VIL1: variants seen among roughly 807,000 people sequenced by gnomAD.
The protein encoded by VIL1 is villin-1.
In VIL1, 86 loss-of-function variants were observed where a neutral mutation model predicts 104.0. That is an observed-to-expected ratio of 0.83 (90% confidence interval 0.69 to 0.99). VIL1 has a LOEUF of 0.99. VIL1 is among the 50% of genes least tolerant of loss of function. VIL1 has a pLI of 0.00. For synonymous variants in VIL1, 394 were observed against 412.6 expected (o/e 0.95, Z 0.55); for missense variants, 944 against 1,054.1 (o/e 0.90, Z 1.45).
chr2:218,430,760 A>C lies in VIL1; in HGVS notation c.984A>C (p.Thr328=). The C allele has an allele frequency of 6.2e-7, 1 of 1,610,860 alleles. No individual in the cohort carries two copies. The part of the protein sequence containing the change: ...FIKAKQYPPS[T]QVEVQNDGAE... ...AAGCCAAGCAGTACCCACCAAGCAC[A>C]CAGGTGGAGGTGCAGAATGATGGGG... Residue 328 remains threonine, a synonymous_variant, in exon 10 of 20, where the codon ACA becomes ACC. Coordinates refer to ENST00000248444, the MANE Select transcript of VIL1 (RefSeq NM_007127.3).
At chr2:218,424,469 T>A in intron 3 of VIL1, 118 bp downstream of exon 3, 1 of 1,097,594 alleles carries the variant, frequency 9.1e-7, no homozygotes, top group Non-Finnish European at 1.3e-6. Context: ...AGACACAATT[T>A]ACTGGGTATG....
chr2:218,429,826 A>T (rs749477224), intron 8 of VIL1, 23 bp from the exon 9 acceptor site: 1 of 1,607,554 alleles, frequency 6.2e-7, no homozygotes, highest in Admixed American at 1.7e-5. Flanking sequence ...GCTCCATCAG[A>T]CTCTTACCTC....
rs1689123388 is a variant in VIL1 at position 218,432,846 on chromosome 2, C to T, written c.1395C>T (p.Ile465=). ...CAGCATCAGCTTATCAAGCCGTCAT[C>T]CTGGACCAGAAGTACAATGGTGAAC... is the stretch of plus-strand genomic sequence containing the variant. The part of the protein sequence containing the change: ...EITASAYQAV[I]LDQKYNGEPV... The change falls in exon 13 of 20, where the codon ATC becomes ATT. Residue 465 remains isoleucine (I), a synonymous_variant. Coordinates refer to ENST00000248444, the MANE Select transcript of VIL1 (RefSeq NM_007127.3). 1.2e-6 allele frequency: 2 copies of T among 1,614,228 alleles called. No homozygotes were observed. The highest frequency in any genetic ancestry group is 4.5e-5 in the East Asian group (2 of 44,890).
chr2:218,430,240 G>T (rs1331289094), intron 9 of VIL1, among the ~76,000 whole-genome samples: 1 of 152,144 alleles, frequency 6.6e-6, no homozygotes, highest in Non-Finnish European at 1.5e-5. Context: ...AGCTGAGTTT[G>T]GAGAAGGGAA....
chr2:218,437,466 C>T (rs984266786), intron 17 of VIL1, among the ~76,000 whole-genome samples, 154 bp downstream of exon 17: 1 of 152,206 alleles, frequency 6.6e-6, no homozygotes, highest in African/African-American at 2.4e-5. Context: ...TGCACTAAGG[C>T]CATTAGGCCT....
chr2:218,429,946 T>A lies in VIL1; in HGVS notation c.947T>A (p.Leu316Gln). Residue 316 changes from leucine (L) to glutamine (Q), a missense_variant and splice_region_variant, in exon 9 of 20, where the codon CTG (leucine) becomes CAG (glutamine). By Grantham distance (113) the Leu-to-Gln change is moderately radical (BLOSUM62 -2). Coordinates refer to ENST00000248444, the MANE Select transcript of VIL1 (RefSeq NM_007127.3). ...AAGAAGGGAGCCATGAGCCATGCGC[T>A]GGTAGTGGTGGGGGCGGGGGAGGGT... Reference protein sequence around the residue: ...QEKKGAMSHALNFIKAKQYPP... With the variant: ...QEKKGAMSHAQNFIKAKQYPP... The A allele has an allele frequency of 8.7e-7, 1 of 1,155,418 alleles. No homozygotes were observed. The highest frequency in any genetic ancestry group is 1.2e-6 in the Non-Finnish European group (1 of 842,988). 71.6% of individuals were successfully genotyped at this position (1,155,418 alleles called of 1,614,324 possible).
At chr2:218,441,281 C>T (rs1022562699) in intron 19 of VIL1, among the ~76,000 whole-genome samples, 1 of 151,292 alleles carries the variant, frequency 6.6e-6, no homozygotes, top group East Asian at 2.0e-4. Flanking sequence ...CCCAGCTACT[C>T]GGGAGGCTGA....
chr2:218,429,952 TGGTGGG>T lies in VIL1; in HGVS notation c.948+8_948+13del. On this transcript the variant is annotated splice_donor_region_variant and intron_variant, in intron 9 of 19. Transcript: ENST00000248444. ...GGAGCCATGAGCCATGCGCTGGTAGTGGTGGGGGCGGGGGAGGGTCCAGGAGGAGGG... is the reference window on the plus strand; with the variant it reads ...GGAGCCATGAGCCATGCGCTGGTAGTGGCGGGGGAGGGTCCAGGAGGAGGG... 2 of 785,006 alleles carry T rather than the reference TGGTGGG, an allele frequency of 2.5e-6. No individual in the cohort carries two copies. The highest frequency in any genetic ancestry group is 3.6e-6 in the Non-Finnish European group (2 of 550,450). 48.6% of individuals were successfully genotyped at this position (785,006 alleles called of 1,614,324 possible).
At chr2:218,438,850 T>C in intron 18 of VIL1, 124 bp downstream of exon 18, 2 of 743,430 alleles carry the variant, frequency 2.7e-6, no homozygotes, top group Middle Eastern at 7.5e-4. Context: ...CTCCCCCACT[T>C]CTCATTCTTC....
Position 218,438,676 on chromosome 2 carries a change from G to C in VIL1, c.2179G>C (p.Asp727His), listed in dbSNP as rs145234426. The change falls in exon 18 of 20, where the codon GAC (aspartate) becomes CAC (histidine). Residue 727 changes from aspartate to histidine, a missense_variant. Coordinates refer to ENST00000248444, the MANE Select transcript of VIL1 (RefSeq NM_007127.3). ...FKWSNTKSYEDLKAELGNSRD... is the reference protein window; with the variant it reads ...FKWSNTKSYEHLKAELGNSRD... The stretch of plus-strand genomic sequence containing the variant: ...TGTGCAGAACACCAAATCCTATGAG[G>C]ACCTGAAGGCGGAGCTTGGCAACTC... 1,796 of 1,612,682 alleles carry C rather than the reference G, an allele frequency of 1.1e-3. 1 individual carries two copies. The highest frequency in any genetic ancestry group is 1.4e-3 in the Non-Finnish European group (1,655 of 1,179,718).
Position 218,429,272 on chromosome 2 carries a change from G to A in VIL1, c.568-13G>A, listed in dbSNP as rs1386650837. The stretch of plus-strand genomic sequence containing the variant: ...CGACTACTCCCGATGGGTCACCAGG[G>A]GCCTTCCTGCAGGGCATGACTCTGG... On this transcript the variant is annotated splice_polypyrimidine_tract_variant and intron_variant, in intron 6 of 19. Coordinates refer to ENST00000248444, the MANE Select transcript of VIL1 (RefSeq NM_007127.3). 1 of 1,606,012 alleles carries A rather than the reference G, an allele frequency of 6.2e-7. No homozygotes were observed. The highest frequency in any genetic ancestry group is 1.1e-5 in the South Asian group (1 of 90,174).
At chr2:218,436,883 C>A (rs1689200870) in intron 16 of VIL1, among the ~76,000 whole-genome samples, 1 of 152,164 alleles carries the variant, frequency 6.6e-6, no homozygotes, top group East Asian at 1.9e-4. Flanking sequence ...TTTTGAGAAT[C>A]CTGGGCTTTG....
At chr2:218,442,141 G>A (rs1417278469) in intron 19 of VIL1, among the ~76,000 whole-genome samples, 5 of 152,160 alleles carry the variant, frequency 3.3e-5, no homozygotes, top group African/African-American at 1.2e-4. Flanking sequence ...TGGTGGAGGA[G>A]GTGGAGAGAA....
At chr2:218,436,127 C>T (rs559126540) in intron 15 of VIL1, among the ~76,000 whole-genome samples, 11 of 152,218 alleles carry the variant, frequency 7.2e-5, no homozygotes, top group African/African-American at 1.4e-4. Context: ...GTGTGGGCCA[C>T]GGTGACTGGC....
chr2:218,439,892 A>T (rs910949751), intron 18 of VIL1, among the ~76,000 whole-genome samples: 1 of 152,032 alleles, frequency 6.6e-6, no homozygotes, highest in African/African-American at 2.4e-5. Context: ...GGGACACGGG[A>T]ATATGAAATC....
At chr2:218,420,821 G>A (rs905752920) in intron 1 of VIL1, among the ~76,000 whole-genome samples, 7 of 152,096 alleles carry the variant, frequency 4.6e-5, no homozygotes, top group Non-Finnish European at 7.4e-5. Flanking sequence ...TCCTGACCTC[G>A]TGATCCGCCT....
intron 4 of VIL1, among the ~76,000 whole-genome samples, chr2:218,426,474 A>T (rs1689004591): frequency 6.6e-6 from 1 of 150,852 alleles, no homozygotes; most frequent in African/African-American, 2.4e-5. Flanking sequence ...CTGATCTCAA[A>T]CTCCTGACCT....
At chr2:218,446,781 T>TTTTTG (rs1689370020) in intron 19 of VIL1, among the ~76,000 whole-genome samples, 2 of 118,938 alleles carry the variant, frequency 1.7e-5, no homozygotes, top group Admixed American at 9.2e-5. Context: ...TTTTTTTTTT[T>TTTTTG]GAGACAGAGT....
In VIL1 at chr2:218,451,086, T is replaced by C. The variant is rs1438742734; in HGVS notation, c.*1750T>C. On this transcript the variant is annotated 3_prime_UTR_variant, in exon 20 of 20. Transcript: ENST00000248444. ...AAAAAATATATATTTTTTCAGATGT[T>C]AATAAGACATATCAGTAGAGACAAA... The C allele has an allele frequency of 6.6e-6, 1 of 152,186 alleles. No homozygotes were observed. The highest frequency in any genetic ancestry group is 1.5e-5 in the Non-Finnish European group (1 of 68,038). 9.4% of individuals were successfully genotyped at this position (152,186 alleles called of 1,614,324 possible).
Sources: allele counts gnomAD v4.1 joint callset (sites outside exome capture counted in the v4.1 genomes callset), GRCh38; gene constraint gnomAD v4.1.1; transcripts MANE v1.5; gene names NCBI Gene and HGNC (gene_info 2026-07-23, HGNC 2026-07-21).